STXBP4: variants seen among roughly 807,000 people sequenced by gnomAD.
The protein encoded by STXBP4 is syntaxin binding protein 4, also known as syntaxin-binding protein 4.
A neutral mutation model predicts 76.1 loss-of-function variants in STXBP4; 55 were observed. That is an observed-to-expected ratio of 0.72 (90% CI 0.58 to 0.91). STXBP4 has a LOEUF of 0.91. STXBP4 is among the 40% of genes least tolerant of loss of function. The pLI is 0.00. For missense variants in STXBP4, 618 were observed against 636.9 expected, an observed-to-expected ratio of 0.97 and a Z score of 0.32; for synonymous variants, 201 against 220.2, an observed-to-expected ratio of 0.91 and a Z score of 0.77.
chr17:54,997,349 G>T (rs1441719608), intron 4 of STXBP4, among the ~76,000 whole-genome samples: 1 of 151,710 alleles, frequency 6.6e-6, no homozygotes, highest in Non-Finnish European at 1.5e-5. Flanking sequence ...TCTCTTTTCT[G>T]ACTCCCTTCC....
At chr17:55,053,431 C>T (rs1236595408) in intron 12 of STXBP4, among the ~76,000 whole-genome samples, 1 of 151,820 alleles carries the variant, frequency 6.6e-6, no homozygotes, top group African/African-American at 2.4e-5. Context: ...AATATGTGAG[C>T]GAGATTGAGA....
intron 16 of STXBP4, among the ~76,000 whole-genome samples, chr17:55,132,282 C>T (rs1567776154): frequency 6.6e-6 from 1 of 152,148 alleles, no homozygotes; most frequent in Non-Finnish European, 1.5e-5. Flanking sequence ...ACCTCTGCCT[C>T]GGGGTTCAAG....
intron 12 of STXBP4, among the ~76,000 whole-genome samples, chr17:55,067,468 G>A (rs2144849046): frequency 6.6e-6 from 1 of 152,274 alleles, no homozygotes; most frequent in South Asian, 2.1e-4. Flanking sequence ...TGTCTTGGAA[G>A]TAGAAGAATT....
chr17:55,067,134 G>A (rs1413547780), intron 12 of STXBP4, among the ~76,000 whole-genome samples: 1 of 152,098 alleles, frequency 6.6e-6, no homozygotes, highest in East Asian at 1.9e-4. Context: ...ATGTTAAGTA[G>A]AGTACCTGCT....
At chr17:55,087,980 C>A (rs2079360641) in intron 16 of STXBP4, among the ~76,000 whole-genome samples, 1 of 152,096 alleles carries the variant, frequency 6.6e-6, no homozygotes, top group Admixed American at 6.6e-5. Context: ...AGAGGTATTA[C>A]CTCTTGCAAG....
At chr17:55,130,356 A>G (rs953626504) in intron 16 of STXBP4, among the ~76,000 whole-genome samples, 3 of 152,234 alleles carry the variant, frequency 2.0e-5, no homozygotes, top group Non-Finnish European at 2.9e-5. Flanking sequence ...CTATAAAAGT[A>G]TAAACAGTAG....
chr17:55,069,834 T>C (rs948150556), intron 12 of STXBP4, among the ~76,000 whole-genome samples: 1 of 152,184 alleles, frequency 6.6e-6, no homozygotes, highest in African/African-American at 2.4e-5. Flanking sequence ...AGTGCTGTTT[T>C]TATAGAGGAA....
chr17:55,193,827 A>AG, the STXBP4 span, among the ~76,000 whole-genome samples: 718 of 151,286 alleles, frequency 4.7e-3, 12 homozygotes, highest in African/African-American at 0.016. Context: ...AAAAAAAAAA[A>AG]AAAAAAACGT....
chr17:55,034,490 A>G lies in STXBP4; in HGVS notation c.855+231A>G, dbSNP rs572470906. 3.3e-5 allele frequency among the ~76,000 whole-genome samples: 5 copies of G among 152,210 alleles called. No individual in the cohort carries two copies. The East Asian group carries it at 9.6e-4, about 29-fold the overall frequency. ...ATCACACCTAAGTTTACCAGTATTG[A>G]CAATTTGATATGTGGAGGATACGTG... On this transcript the variant is annotated intron_variant, in intron 10 of 17. Coordinates refer to ENST00000376352, the MANE Select transcript of STXBP4 (RefSeq NM_178509.6).
intron 8 of STXBP4, among the ~76,000 whole-genome samples, chr17:55,018,500 G>A (rs2078249050): frequency 6.6e-6 from 1 of 152,174 alleles, no homozygotes; most frequent in South Asian, 2.1e-4. Context: ...AGGGTAGTCC[G>A]AGTTTGTTTA....
chr17:55,144,005 G>GCGCACA (rs373154905), intron 17 of STXBP4, among the ~76,000 whole-genome samples: 368 of 138,932 alleles, frequency 2.6e-3, no homozygotes, highest in African/African-American at 9.6e-3. Context: ...AAAGCCACCT[G>GCGCACA]CACACACACA....
the STXBP4 span, among the ~76,000 whole-genome samples, chr17:55,198,931 A>G: frequency 1.3e-5 from 2 of 152,152 alleles, no homozygotes; most frequent in Non-Finnish European, 2.9e-5. Flanking sequence ...AACTCCACCA[A>G]TTCACTCTTT....
intron 8 of STXBP4, among the ~76,000 whole-genome samples, chr17:55,024,338 C>T (rs2078374580): frequency 6.6e-6 from 1 of 152,212 alleles, no homozygotes; most frequent in Non-Finnish European, 1.5e-5. Context: ...GTAGTCAGAG[C>T]TTTTCAGCTA....
chr17:55,087,528 C>A (rs1325793340), intron 16 of STXBP4, among the ~76,000 whole-genome samples: 1 of 152,160 alleles, frequency 6.6e-6, no homozygotes, highest in Non-Finnish European at 1.5e-5. Flanking sequence ...ATGCTTTTGG[C>A]ACCTTTGTCA....
intron 15 of STXBP4, among the ~76,000 whole-genome samples, chr17:55,079,974 A>C (rs1194099915): frequency 3.9e-5 from 6 of 152,172 alleles, no homozygotes; most frequent in African/African-American, 1.4e-4. Flanking sequence ...GATACAAGAA[A>C]ACTCTGTGAA....
At chr17:55,065,652 A>C (rs1000482741) in intron 12 of STXBP4, among the ~76,000 whole-genome samples, 7 of 152,112 alleles carry the variant, frequency 4.6e-5, no homozygotes, top group Non-Finnish European at 1.0e-4. Context: ...TCTTCATTAA[A>C]CCAGAAAATA....
At chr17:55,057,419 A>G (rs1260161347) in intron 12 of STXBP4, among the ~76,000 whole-genome samples, 6 of 152,200 alleles carry the variant, frequency 3.9e-5, no homozygotes, top group African/African-American at 1.4e-4. Flanking sequence ...GATGCTTTTC[A>G]TAAAATCAGC....
At chr17:55,191,208 G>T in the STXBP4 span, among the ~76,000 whole-genome samples, 2 of 152,062 alleles carry the variant, frequency 1.3e-5, no homozygotes, top group Non-Finnish European at 2.9e-5. Flanking sequence ...GTGCTGAAGG[G>T]ACTATTAGAA....
chr17:55,211,799 GTTTTTTTTTTT>G, the STXBP4 span, among the ~76,000 whole-genome samples: 24 of 49,004 alleles, frequency 4.9e-4, no homozygotes, highest in South Asian at 1.1e-3. Context: ...GTTTTTTGTT[GTTTTTTTTTTT>G]TTTTTTTTTT....
Sources: allele counts gnomAD v4.1 joint callset (sites outside exome capture counted in the v4.1 genomes callset), GRCh38; gene constraint gnomAD v4.1.1; transcripts MANE v1.5; gene names NCBI Gene and HGNC (gene_info 2026-07-23, HGNC 2026-07-21).